GRM8: variants seen among roughly 807,000 people sequenced by gnomAD.
GRM8 encodes the protein metabotropic glutamate receptor 8.
GRM8 carries 47 observed loss-of-function variants against 87.2 expected under a neutral mutation model. The observed-to-expected ratio is 0.54, with a 90% CI of 0.43 to 0.69. The LOEUF is 0.69. Among genes scored for constraint, GRM8 ranks in the 30% least tolerant of loss-of-function variants. The probability of loss-of-function intolerance (pLI) is 0.00; values close to 1 mark genes in which losing one functional copy is unlikely to be tolerated. For missense variants in GRM8, 1,019 were observed against 1,139.2 expected (o/e 0.89, Z 1.52); for synonymous variants, 396 against 404.5 (o/e 0.98, Z 0.25).
chr7:126,473,770 T>C (rs1805579798), intron 9 of GRM8, among the ~76,000 whole-genome samples: 1 of 152,078 alleles, frequency 6.6e-6, no homozygotes, highest in Admixed American at 6.6e-5. Context: ...CATTTGGAGG[T>C]AATTTAATCA....
intron 7 of GRM8, among the ~76,000 whole-genome samples, chr7:126,706,505 T>C (rs756900): frequency 0.67 from 102,517 of 151,974 alleles, 35,419 homozygotes; most frequent in African/African-American, 0.84. Flanking sequence ...CCATTTTGTC[T>C]TATTCAGGCT....
At chr7:126,740,627 T>C (rs1208608242) in intron 7 of GRM8, among the ~76,000 whole-genome samples, 1 of 152,180 alleles carries the variant, frequency 6.6e-6, no homozygotes, top group African/African-American at 2.4e-5. Flanking sequence ...ATCATTTATA[T>C]TGTTTACCTC....
intron 6 of GRM8, among the ~76,000 whole-genome samples, chr7:126,847,867 T>C (rs75671294): frequency 6.6e-6 from 1 of 152,262 alleles, no homozygotes; most frequent in Non-Finnish European, 1.5e-5. Context: ...GATATATTGG[T>C]GGATCCACTT....
chr7:126,974,840 G>A (rs932520921), intron 3 of GRM8, among the ~76,000 whole-genome samples: 1 of 150,644 alleles, frequency 6.6e-6, no homozygotes, highest in Admixed American at 6.7e-5. Context: ...GGAGGCTGAG[G>A]CAGGAGAATG....
At chr7:126,898,192 T>C (rs1243302041) in intron 6 of GRM8, among the ~76,000 whole-genome samples, 3 of 152,208 alleles carry the variant, frequency 2.0e-5, no homozygotes, top group Non-Finnish European at 4.4e-5. Flanking sequence ...GTAGTTAAAA[T>C]GCAAACTTTT....
At chr7:126,966,717 T>C (rs1809907478) in intron 3 of GRM8, among the ~76,000 whole-genome samples, 1 of 152,190 alleles carries the variant, frequency 6.6e-6, no homozygotes, top group Non-Finnish European at 1.5e-5. Context: ...TTTACTAAAC[T>C]CATCTTCTCA....
chr7:127,142,941 C>T (rs1828357914), intron 2 of GRM8, among the ~76,000 whole-genome samples: 1 of 152,106 alleles, frequency 6.6e-6, no homozygotes, highest in South Asian at 2.1e-4. Context: ...CATTTGAAAG[C>T]CACTGTTGAG....
At chr7:126,562,277 A>C (rs545844582) in intron 8 of GRM8, among the ~76,000 whole-genome samples, 2 of 152,300 alleles carry the variant, frequency 1.3e-5, no homozygotes, top group Admixed American at 1.3e-4. Context: ...AAATCACAAA[A>C]GATTTACTTG....
Position 127,059,176 on chromosome 7 carries a change from T to C in GRM8, c.727+47320A>G, listed in dbSNP as rs1347394506. ...GGGGAGAGAACATATTTTTGTATCT[T>C]GAAAAATGAATAGGCAGAGAAGAAA... On this transcript the variant is annotated intron_variant, in intron 3 of 10. Transcript: ENST00000339582. 2.0e-5 allele frequency among the ~76,000 whole-genome samples: 3 copies of C among 152,042 alleles called. No homozygotes were observed. In the East Asian group the frequency reaches 5.8e-4, roughly 29 times the overall value.
At chr7:126,904,970 A>G (rs1283406444) in intron 3 of GRM8, among the ~76,000 whole-genome samples, 1 of 152,214 alleles carries the variant, frequency 6.6e-6, no homozygotes, top group Non-Finnish European at 1.5e-5. Context: ...TGAGAGTCAA[A>G]AGATGGAAAG....
In GRM8 at chr7:126,500,262, C is replaced by T. The variant is rs985188680; in HGVS notation, c.2430+32690G>A. 9.2e-5 allele frequency among the ~76,000 whole-genome samples: 14 copies of T among 152,054 alleles called. No individual in the cohort carries two copies. In the South Asian group the frequency reaches 2.5e-3, roughly 27 times the overall value. ...CTGCCCCCTCAACCTCTGGTAACCA[C>T]CATTCTACTCTCTATATAAATTCCA... is the stretch of plus-strand genomic sequence containing the variant. On this transcript the variant is annotated intron_variant, in intron 9 of 10. Transcript: ENST00000339582.
intron 8 of GRM8, among the ~76,000 whole-genome samples, chr7:126,561,729 A>G (rs1285017623): frequency 6.6e-6 from 1 of 151,056 alleles, no homozygotes; most frequent in Non-Finnish European, 1.5e-5. Context: ...GCACCCATTA[A>G]CTGGTCATTT....
chr7:127,246,479 GA>G (rs1367541688), intron 1 of GRM8, among the ~76,000 whole-genome samples: 5 of 152,204 alleles, frequency 3.3e-5, no homozygotes, highest in African/African-American at 1.2e-4. Flanking sequence ...ACCAATCTCA[GA>G]GGGGGACAAA....
intron 2 of GRM8, among the ~76,000 whole-genome samples, chr7:127,165,189 TA>T (rs1793377001): frequency 1.9e-5 from 2 of 105,602 alleles, no homozygotes; most frequent in East Asian, 2.6e-4. Flanking sequence ...TATATATATA[TA>T]TATTCAGGTT....
chr7:126,842,261 G>T (rs1193635528), intron 6 of GRM8, among the ~76,000 whole-genome samples: 1 of 152,170 alleles, frequency 6.6e-6, no homozygotes, highest in Non-Finnish European at 1.5e-5. Flanking sequence ...ACCAGAAAGG[G>T]ATGTTTAAGA....
At chr7:127,108,187 A>G (rs1825997405) in intron 2 of GRM8, among the ~76,000 whole-genome samples, 1 of 152,152 alleles carries the variant, frequency 6.6e-6, no homozygotes, top group Non-Finnish European at 1.5e-5. Context: ...AGATTTTGTG[A>G]CTGCATAGTA....
At chr7:126,929,237 T>G (rs551132678) in intron 3 of GRM8, among the ~76,000 whole-genome samples, 1 of 152,326 alleles carries the variant, frequency 6.6e-6, no homozygotes, top group Admixed American at 6.5e-5. Flanking sequence ...ATTTAATTAT[T>G]ATGTTGCCCC....
At chr7:127,234,318 C>T (rs932171444) in intron 2 of GRM8, among the ~76,000 whole-genome samples, 4 of 152,230 alleles carry the variant, frequency 2.6e-5, no homozygotes, top group Non-Finnish European at 5.9e-5. Context: ...AAATGGTAAT[C>T]TGCCTGACCC....
At chr7:126,681,373 C>A (rs1467786961) in intron 7 of GRM8, among the ~76,000 whole-genome samples, 1 of 152,178 alleles carries the variant, frequency 6.6e-6, no homozygotes, top group Non-Finnish European at 1.5e-5. Flanking sequence ...TCCACAATCC[C>A]CTGAGAGCTG....
Sources: allele counts gnomAD v4.1 joint callset (sites outside exome capture counted in the v4.1 genomes callset), GRCh38; gene constraint gnomAD v4.1.1; transcripts MANE v1.5; gene names NCBI Gene and HGNC (gene_info 2026-07-23, HGNC 2026-07-21).